SUPT3H: variants seen among roughly 807,000 people sequenced by gnomAD.
SUPT3H encodes SPT3 homolog, SAGA and STAGA complex component, also known as transcription initiation protein SPT3 homolog.
SUPT3H carries 44 observed loss-of-function variants against 44.3 expected under a neutral mutation model. The ratio of observed to expected loss-of-function variants is 0.99; its 90% confidence interval spans 0.78 to 1.28. SUPT3H has a LOEUF of 1.28. Ranked by LOEUF, SUPT3H falls within the 50% of genes most tolerant of loss-of-function variation. The pLI, the probability that SUPT3H is intolerant of heterozygous loss-of-function variation, is 0.00. For missense variants in SUPT3H, 380 were observed against 387.1 expected (o/e 0.98, Z 0.15); for synonymous variants, 124 against 125.6 (o/e 0.99, Z 0.09).
chr6:45,083,186 A>C (rs1013955639), intron 3 of SUPT3H, among the ~76,000 whole-genome samples: 4 of 149,028 alleles, frequency 2.7e-5, no homozygotes, highest in Admixed American at 1.3e-4. Flanking sequence ...TATTATTATT[A>C]TTATTATTAT....
At chr6:45,361,853 C>A (rs1794318108) in intron 2 of SUPT3H, among the ~76,000 whole-genome samples, 1 of 152,134 alleles carries the variant, frequency 6.6e-6, no homozygotes, top group South Asian at 2.1e-4. Context: ...GAGTTTGAGA[C>A]CAGCCTGGCC....
At chr6:45,067,626 A>G (rs968914954) in intron 3 of SUPT3H, among the ~76,000 whole-genome samples, 7 of 152,024 alleles carry the variant, frequency 4.6e-5, no homozygotes, top group Middle Eastern at 3.4e-3. Flanking sequence ...AGAAAAAAAA[A>G]ACAACCCCAT....
chr6:45,109,084 G>A (rs913968830), intron 2 of SUPT3H, among the ~76,000 whole-genome samples: 1 of 152,068 alleles, frequency 6.6e-6, no homozygotes, highest in Non-Finnish European at 1.5e-5. Flanking sequence ...TAAAGAGACA[G>A]GAATAGTCAA....
At chr6:44,893,053 AAC>A (rs770989749) in intron 10 of SUPT3H, among the ~76,000 whole-genome samples, 5 of 151,964 alleles carry the variant, frequency 3.3e-5, no homozygotes, top group Non-Finnish European at 4.4e-5. Flanking sequence ...AATATATACA[AAC>A]ACACACACAC....
intron 2 of SUPT3H, among the ~76,000 whole-genome samples, chr6:45,210,452 T>C (rs151284461): frequency 0.01 from 1,565 of 152,340 alleles, 18 homozygotes; most frequent in Non-Finnish European, 0.014. Flanking sequence ...AGTAAAAGGC[T>C]AAGAGGCTCA....
At chr6:44,923,864 TAGA>T (rs1769115154) in intron 10 of SUPT3H, among the ~76,000 whole-genome samples, 1 of 152,084 alleles carries the variant, frequency 6.6e-6, no homozygotes, top group South Asian at 2.1e-4. Flanking sequence ...AATTTTATAA[TAGA>T]ACTCCAGTTG....
intron 1 of SUPT3H, among the ~76,000 whole-genome samples, chr6:45,375,813 T>C (rs908581089): frequency 6.6e-6 from 1 of 151,586 alleles, no homozygotes; most frequent in Non-Finnish European, 1.5e-5. Flanking sequence ...TTTGACTTTA[T>C]ATACACTTGC....
chr6:44,923,268 C>A (rs1275860388), intron 10 of SUPT3H, among the ~76,000 whole-genome samples: 3 of 152,022 alleles, frequency 2.0e-5, no homozygotes, highest in African/African-American at 7.2e-5. Context: ...TTCATTGCTG[C>A]TTTATGTCCC....
intron 1 of SUPT3H, 127 bp from the exon 2 acceptor site, chr6:45,365,428 C>T: frequency 3.2e-6 from 2 of 622,046 alleles, no homozygotes; most frequent in Admixed American, 3.0e-5. Flanking sequence ...TTGTTTTGCA[C>T]AAAACTGATT....
intron 2 of SUPT3H, among the ~76,000 whole-genome samples, chr6:45,309,351 G>A (rs763214666): frequency 7.9e-5 from 12 of 151,392 alleles, no homozygotes; most frequent in Admixed American, 3.3e-4. Context: ...CGAAAAACAC[G>A]ATGAAATGAA....
intron 5 of SUPT3H, among the ~76,000 whole-genome samples, chr6:45,009,868 T>C (rs1478327242): frequency 6.6e-6 from 1 of 152,200 alleles, no homozygotes; most frequent in Non-Finnish European, 1.5e-5. Context: ...AGCGTATTCA[T>C]GATTGGTAGA....
At chr6:45,161,005 G>A (rs964452) in intron 2 of SUPT3H, among the ~76,000 whole-genome samples, 93,705 of 151,730 alleles carry the variant, frequency 0.62, 29,565 homozygotes, top group African/African-American at 0.75. Context: ...TTGAAATAGT[G>A]AGTTCATTCT....
chr6:44,877,312 C>G (rs1300415314), intron 10 of SUPT3H, among the ~76,000 whole-genome samples: 1 of 151,854 alleles, frequency 6.6e-6, no homozygotes, highest in Non-Finnish European at 1.5e-5. Flanking sequence ...ACTAAAAGCA[C>G]AAAAAAATTA....
At chr6:44,836,298 T>C (rs576166449) in intron 10 of SUPT3H, among the ~76,000 whole-genome samples, 2 of 152,328 alleles carry the variant, frequency 1.3e-5, no homozygotes, top group South Asian at 2.1e-4. Flanking sequence ...ATATGATATA[T>C]AGCACTGTAT....
chr6:45,332,981 C>CAA (rs1213903834), intron 2 of SUPT3H, among the ~76,000 whole-genome samples: 4 of 151,670 alleles, frequency 2.6e-5, no homozygotes, highest in East Asian at 3.9e-4. Context: ...CCTCACCCCC[C>CAA]AAAAAATCAT....
In SUPT3H at chr6:44,888,986, AG is replaced by A. The variant is rs1373346321; in HGVS notation, c.912+43666del. ...ATACACCAACAACAGACAAACAGAG[AG>A]CCAAATCATGAGTGAACTCCCATGC... On this transcript the variant is annotated intron_variant, in intron 10 of 10. Coordinates refer to ENST00000371459, the MANE Select transcript of SUPT3H (RefSeq NM_003599.4). 2.9e-5 allele frequency among the ~76,000 whole-genome samples: 4 copies of A among 135,806 alleles called. No individual in the cohort carries two copies. The Admixed American group carries it at 3.1e-4, about 11-fold the overall frequency. The allele number at this position is 135,806 out of a possible 152,430, so 89.1% of individuals were successfully genotyped here.
chr6:45,347,983 C>T (rs929491754), intron 2 of SUPT3H, among the ~76,000 whole-genome samples: 7 of 152,006 alleles, frequency 4.6e-5, no homozygotes, highest in Non-Finnish European at 8.8e-5. Flanking sequence ...CTTTTACAAT[C>T]AGAGAAAGTT....
intron 10 of SUPT3H, among the ~76,000 whole-genome samples, chr6:44,868,320 G>A (rs977978605): frequency 4.6e-5 from 7 of 152,194 alleles, no homozygotes; most frequent in East Asian, 1.9e-4. Context: ...AAAACCCCAG[G>A]AAAACGTAAA....
chr6:45,315,930 T>TAGATAGAC (rs1417878115), intron 2 of SUPT3H, among the ~76,000 whole-genome samples: 2 of 125,834 alleles, frequency 1.6e-5, no homozygotes, highest in Non-Finnish European at 3.5e-5. Flanking sequence ...GACAGATAGA[T>TAGATAGAC]AGATAGATAG....
Sources: gnomAD v4.1 joint callset for allele counts (sites outside exome capture counted in the v4.1 genomes callset) on GRCh38, gnomAD v4.1.1 for gene constraint, MANE v1.5 for transcripts, NCBI Gene and HGNC (gene_info 2026-07-23, HGNC 2026-07-21) for gene names.